Variants in GLDN observed in about 807,000 individuals in gnomAD.
GLDN encodes collomin.
A neutral mutation model predicts 56.5 loss-of-function variants in GLDN; 47 were observed. The ratio of observed to expected loss-of-function variants is 0.83; its 90% CI spans 0.66 to 1.06. GLDN has a LOEUF of 1.06. Ranked by LOEUF, GLDN falls within the 50% of genes least tolerant of loss-of-function variation. The pLI is 0.00. For missense variants in GLDN, 782 were observed against 714.3 expected, an observed-to-expected ratio of 1.09 and a Z score of -1.08; for synonymous variants, 332 against 278.8, an observed-to-expected ratio of 1.19 and a Z score of -1.90.
At chr15:51,412,026 G>A (rs1435793080), downstream of GLDN, among the ~76,000 whole-genome samples, 12 of 152,206 alleles carry the variant, frequency 7.9e-5, no homozygotes, top group Admixed American at 7.9e-4. Flanking sequence ...CTATGGTGGT[G>A]GCAACATCAA....
chr15:51,374,827 T>C (rs2037596993), intron 1 of GLDN, among the ~76,000 whole-genome samples: 1 of 145,306 alleles, frequency 6.9e-6, no homozygotes, highest in South Asian at 2.2e-4. Flanking sequence ...AGCCTCAGCC[T>C]CCAGGGTTCA....
chr15:51,399,385 C>T (rs1198020527), intron 6 of GLDN, among the ~76,000 whole-genome samples: 1 of 152,214 alleles, frequency 6.6e-6, no homozygotes, highest in Non-Finnish European at 1.5e-5. Flanking sequence ...CAGTCCATGT[C>T]CTGTCCTCTT....
At chr15:51,357,671 G>C (rs1021078792) in intron 1 of GLDN, among the ~76,000 whole-genome samples, 1 of 152,132 alleles carries the variant, frequency 6.6e-6, no homozygotes, top group Admixed American at 6.5e-5. Flanking sequence ...CTGTCATCCC[G>C]AACTCCCAGC....
intron 1 of GLDN, among the ~76,000 whole-genome samples, chr15:51,344,476 G>C (rs1054905816): frequency 6.6e-6 from 1 of 151,990 alleles, no homozygotes; most frequent in East Asian, 1.9e-4. Context: ...ATTCATATAA[G>C]AAAACAATTT....
At chr15:51,381,402 C>T (rs2037756876) in intron 2 of GLDN, among the ~76,000 whole-genome samples, 2 of 152,172 alleles carry the variant, frequency 1.3e-5, no homozygotes, top group African/African-American at 4.8e-5. Context: ...ACCCCCTTCC[C>T]AGTACGTGTT....
At chr15:51,396,612 C>T (rs1209929654) in intron 5 of GLDN, among the ~76,000 whole-genome samples, 6 of 152,102 alleles carry the variant, frequency 3.9e-5, no homozygotes, top group African/African-American at 1.4e-4. Flanking sequence ...TAGCAAATAC[C>T]AGAGAACACC....
At chr15:51,392,264 G>A (rs182050092) in intron 4 of GLDN, among the ~76,000 whole-genome samples, 18 of 152,262 alleles carry the variant, frequency 1.2e-4, no homozygotes, top group Admixed American at 5.9e-4. Context: ...GGAGGTGAGC[G>A]GCAGATGATT....
At chr15:51,376,851 C>A (rs1003228619) in intron 1 of GLDN, among the ~76,000 whole-genome samples, 1 of 152,174 alleles carries the variant, frequency 6.6e-6, no homozygotes. Context: ...ATTGGAGGGT[C>A]TCCAGGGGCA....
At chr15:51,353,746 T>TAAAAAA (rs56751652) in intron 1 of GLDN, among the ~76,000 whole-genome samples, 5 of 117,124 alleles carry the variant, frequency 4.3e-5, no homozygotes, top group African/African-American at 1.4e-4. Context: ...CACAGTCAAT[T>TAAAAAA]AAAAAAAAAA....
chr15:51,409,970 C>T (rs1419825875), downstream of GLDN, among the ~76,000 whole-genome samples: 4 of 152,204 alleles, frequency 2.6e-5, no homozygotes, highest in African/African-American at 9.6e-5. Flanking sequence ...CAGAGAAGTT[C>T]CATCACTCGG....
intron 4 of GLDN, among the ~76,000 whole-genome samples, chr15:51,390,856 A>G (rs2445743): frequency 0.8 from 121,183 of 152,112 alleles, 49,000 homozygotes; most frequent in African/African-American, 0.94. Context: ...AGAATGTGCC[A>G]ACTCAAAGCC....
Position 51,406,464 on chromosome 15 carries a change from C to A in GLDN, c.*1710C>A, listed in dbSNP as rs1015496156. ...GAAACTTTCTCTTTGGGACCAAATT[C>A]ATTCTCAATGGCCCTGAGTTCAATA... On this transcript the variant is annotated 3_prime_UTR_variant, in exon 10 of 10. Coordinates refer to ENST00000335449, the MANE Select transcript of GLDN (RefSeq NM_181789.4). 1.3e-5 allele frequency: 2 copies of A among 152,088 alleles called. No homozygotes were observed. The highest frequency in any genetic ancestry group is 2.9e-5 in the Non-Finnish European group (2 of 68,008). The allele number at this position is 152,088 out of a possible 1,614,324, so 9.4% of individuals were successfully genotyped here. A position where few individuals can be genotyped will look rare whatever the true frequency, so the allele number is the denominator to read the frequency against.
chr15:51,361,452 G>A (rs2037298719), intron 1 of GLDN, among the ~76,000 whole-genome samples: 1 of 152,102 alleles, frequency 6.6e-6, no homozygotes, highest in Non-Finnish European at 1.5e-5. Context: ...CATACTAAGA[G>A]TTTTAGAGGT....
intron 1 of GLDN, among the ~76,000 whole-genome samples, chr15:51,371,524 C>T (rs1402409260): frequency 6.6e-6 from 1 of 152,196 alleles, no homozygotes. Context: ...AAGAGTTCTG[C>T]TAATCCAATG....
At chr15:51,401,537 C>A in intron 8 of GLDN, 56 bp from the exon 9 acceptor site, 1 of 1,546,702 alleles carries the variant, frequency 6.5e-7, no homozygotes, top group Non-Finnish European at 8.8e-7. Context: ...GGACTCCCTC[C>A]CAAGCTGTGA....
chr15:51,396,002 C>T (rs1242505692), intron 5 of GLDN, among the ~76,000 whole-genome samples: 1 of 152,126 alleles, frequency 6.6e-6, no homozygotes, highest in Admixed American at 6.5e-5. Context: ...AAGGAGATGA[C>T]CCAAGCCATT....
rs8028256 is a variant in GLDN, at chr15:51,380,188, C to G, written c.415+2688C>G. ...AGCCCCCTGTGCATACTTTATTGAC[C>G]CATTGGACTTCACTTACACAAATTC... is the stretch of plus-strand genomic sequence containing the variant. On this transcript the variant is annotated intron_variant, in intron 2 of 9. Transcript: ENST00000335449. Among the ~76,000 whole-genome samples, 755 of 152,232 alleles carry G rather than the reference C, an allele frequency of 5.0e-3. 7 individuals are homozygous for G. Among genetic ancestry groups the G allele is most frequent in the African/African-American group, 0.017 (710 of 41,538 alleles).
At chr15:51,381,227 A>G (rs2037752137) in intron 2 of GLDN, among the ~76,000 whole-genome samples, 1 of 152,232 alleles carries the variant, frequency 6.6e-6, no homozygotes, top group Non-Finnish European at 1.5e-5. Flanking sequence ...GGACGTGGTT[A>G]TCAGACTGTC....
At chr15:51,357,409 A>G (rs2037206333) in intron 1 of GLDN, among the ~76,000 whole-genome samples, 1 of 152,178 alleles carries the variant, frequency 6.6e-6, no homozygotes, top group African/African-American at 2.4e-5. Flanking sequence ...GGTGAGTAAC[A>G]CTGGACCCCT....
Sources: gnomAD v4.1 joint callset for allele counts (sites outside exome capture counted in the v4.1 genomes callset) on GRCh38, gnomAD v4.1.1 for gene constraint, MANE v1.5 for transcripts, NCBI Gene and HGNC (gene_info 2026-07-23, HGNC 2026-07-21) for gene names.